Variants in MAP3K13 observed in about 807,000 individuals in gnomAD.
MAP3K13 encodes leucine zipper-bearing kinase.
Under a neutral mutation model 104.0 loss-of-function variants are expected in MAP3K13, and 52 were observed. That is an observed-to-expected ratio of 0.50 (90% CI 0.40 to 0.63). The LOEUF (loss-of-function observed/expected upper bound fraction) is 0.63. Among genes scored for constraint, MAP3K13 ranks in the 20% least tolerant of loss-of-function variants. The pLI, the probability that MAP3K13 is intolerant of heterozygous loss-of-function variation, is 0.00. For synonymous variants in MAP3K13, 394 were observed against 442.2 expected (o/e 0.89, Z 1.37); for missense variants, 914 against 1,218.5 (o/e 0.75, Z 3.72).
rs147193310 is a variant in MAP3K13 at position 185,374,347 on chromosome 3, T to G, written c.-86+10979T>G. Among the ~76,000 whole-genome samples the G allele has an allele frequency of 5.0e-3, 762 of 152,266 alleles. 5 individuals carry two copies. Among genetic ancestry groups the G allele is most frequent in the African/African-American group, 0.017 (707 of 41,558 alleles). On this transcript the variant is annotated intron_variant, in intron 1 of 13. Coordinates refer to ENST00000265026, the MANE Select transcript of MAP3K13 (RefSeq NM_004721.5). ...AGAGATAATGGGCGATGTTTCTCAG[T>G]GCTGCTTCGAGCGGGATTAGGGGCG...
rs1715849829 is a variant in MAP3K13, at chr3:185,450,988, G to A, written c.1170-299G>A. 6.6e-6 allele frequency among the ~76,000 whole-genome samples: 1 copy of A among 152,192 alleles called. No individual in the cohort carries two copies. Among genetic ancestry groups the A allele is most frequent in the East Asian group, 1.9e-4 (1 of 5,196 alleles). ...GCCTGTAGTCCCAGCTACTCAGGAG[G>A]CTGAGGCAGGAGAATGGCGTGAACC... On this transcript the variant is annotated intron_variant, in intron 6 of 13. Transcript: ENST00000265026. The surrounding 1 kb of genome is among the most constrained non-coding windows in gnomAD (Gnocchi z 4.2).
chr3:185,329,387 A>G, intron 2 of MAP3K13: 2 of 557,202 alleles, frequency 3.6e-6, no homozygotes, highest in Admixed American at 2.9e-5. Flanking sequence ...AGTCTCTCAG[A>G]TCATTAAATT....
At chr3:185,425,266 T>C (rs1714348057) in intron 1 of MAP3K13, among the ~76,000 whole-genome samples, 1 of 152,252 alleles carries the variant, frequency 6.6e-6, no homozygotes, top group Non-Finnish European at 1.5e-5. Context: ...AAATTCTGTA[T>C]GTCCATAGTT....
At chr3:185,435,895 A>G (rs1250641592) in intron 2 of MAP3K13, among the ~76,000 whole-genome samples, 1 of 152,170 alleles carries the variant, frequency 6.6e-6, no homozygotes, top group Non-Finnish European at 1.5e-5. Context: ...TCAAGACCAG[A>G]GTATCTTTGA....
rs201598842 is a variant in MAP3K13, at chr3:185,302,177, TG to T, written c.-86+16536del. ...CAGCACTTTGGGAGGCCAAGGCGGG[TG>T]GATTACTTGAGGTCAGGAGTTCGAG... is the stretch of plus-strand genomic sequence containing the variant. On this transcript the variant is annotated intron_variant, in intron 2 of 14. Transcript: ENST00000424227. 8.7e-3 allele frequency among the ~76,000 whole-genome samples: 1,312 copies of T among 151,336 alleles called. 55 individuals are homozygous for T. Among genetic ancestry groups the T allele is most frequent in the East Asian group, 0.069 (354 of 5,146 alleles).
intron 1 of MAP3K13, among the ~76,000 whole-genome samples, chr3:185,413,661 GA>G (rs1713577525): frequency 6.6e-6 from 1 of 151,960 alleles, no homozygotes; most frequent in Non-Finnish European, 1.5e-5. Context: ...ACTTCTACAA[GA>G]AATGCAAAAA....
intron 1 of MAP3K13, among the ~76,000 whole-genome samples, chr3:185,419,066 G>GA (rs1183392862): frequency 2.6e-5 from 4 of 151,306 alleles, no homozygotes; most frequent in Admixed American, 2.6e-4. Flanking sequence ...ACCCAGGCTG[G>GA]AGTGCAGTGG....
At chr3:185,345,123 A>G (rs1464008721) in intron 2 of MAP3K13, among the ~76,000 whole-genome samples, 3 of 152,126 alleles carry the variant, frequency 2.0e-5, no homozygotes, top group Admixed American at 2.0e-4. Flanking sequence ...TGGCCTCCCA[A>G]AATGCTGGGA....
In MAP3K13 at chr3:185,418,251, G is replaced by A. The variant is rs1577533328; in HGVS notation, c.-85-10246G>A. 6.2e-7 allele frequency: 1 copy of A among 1,602,814 alleles called. No individual in the cohort carries two copies. The highest frequency in any genetic ancestry group is 8.5e-7 in the Non-Finnish European group (1 of 1,171,230). ...CATAGACCTTTTCGATATCATTCCA[G>A]GCTTTAAGTTTCTTAAGGAGCAAAA... is the stretch of plus-strand genomic sequence containing the variant. On this transcript the variant is annotated intron_variant, in intron 1 of 13. Transcript: ENST00000265026. This position sits in a 1 kb window ranked among gnomAD's most constrained non-coding sequence, Gnocchi z 4.5.
chr3:185,344,379 T>C (rs1219190366), intron 2 of MAP3K13, among the ~76,000 whole-genome samples: 1 of 152,176 alleles, frequency 6.6e-6, no homozygotes. Context: ...TGATGATCTG[T>C]GACAAAAGAA....
chr3:185,424,141 C>CA (rs1408285985), intron 1 of MAP3K13, among the ~76,000 whole-genome samples: 1 of 152,152 alleles, frequency 6.6e-6, no homozygotes, highest in African/African-American at 2.4e-5. Flanking sequence ...GAGAGAATGT[C>CA]ATGATTAGGG....
chr3:185,447,226 C>T (rs2148895125), intron 4 of MAP3K13, among the ~76,000 whole-genome samples: 1 of 152,226 alleles, frequency 6.6e-6, no homozygotes, highest in East Asian at 1.9e-4. Context: ...TGCAGTGGCT[C>T]ATGCCTGTAA....
chr3:185,455,645 A>ATATATGT (rs1716591190), intron 7 of MAP3K13, among the ~76,000 whole-genome samples: 8 of 24,430 alleles, frequency 3.3e-4, no homozygotes, highest in Middle Eastern at 0.05. Flanking sequence ...GATATATATG[A>ATATATGT]GATATATATA....
rs370793853 is a variant in MAP3K13 at position 185,297,873 on chromosome 3, A to ACT, written c.-86+12247_-86+12248dup. On this transcript the variant is annotated intron_variant, in intron 2 of 14. Transcript: ENST00000424227. Reference sequence around the variant, plus strand: ...CAATACAGTAACCAAAATAAGAGCTACTCTCTCTCTCTCTCTCTGTGTGCA... The same window carrying ACT: ...CAATACAGTAACCAAAATAAGAGCTACTCTCTCTCTCTCTCTCTCTGTGTGCA... Among the ~76,000 whole-genome samples the ACT allele has an allele frequency of 6.0e-3, 891 of 147,310 alleles. 3 individuals are homozygous for ACT. The highest frequency in any genetic ancestry group is 0.02 in the African/African-American group (831 of 40,618).
chr3:185,367,410 G>T (rs1379336099), intron 1 of MAP3K13, among the ~76,000 whole-genome samples: 2 of 152,056 alleles, frequency 1.3e-5, no homozygotes, highest in Admixed American at 1.3e-4. Context: ...TCAGAATCAG[G>T]AAAGAAAATG....
At chr3:185,444,786 T>C (rs1715508381) in intron 4 of MAP3K13, among the ~76,000 whole-genome samples, 1 of 152,120 alleles carries the variant, frequency 6.6e-6, no homozygotes, top group Non-Finnish European at 1.5e-5. Flanking sequence ...AATATATTTG[T>C]AGCCTGGGCA....
intron 2 of MAP3K13, chr3:185,328,714 A>G (rs1722131580): frequency 6.6e-6 from 1 of 152,378 alleles, no homozygotes; most frequent in South Asian, 2.1e-4. Context: ...TCTTCCTTAC[A>G]TTTGTCTCTT....
upstream of MAP3K13, among the ~76,000 whole-genome samples, chr3:185,362,378 C>T (rs963406881): frequency 6.6e-6 from 1 of 152,072 alleles, no homozygotes; most frequent in African/African-American, 2.4e-5. Context: ...CTTACTGAAA[C>T]CAAAATTTGT....
At chr3:185,445,653 C>T (rs779990398) in intron 4 of MAP3K13, among the ~76,000 whole-genome samples, 1 of 152,162 alleles carries the variant, frequency 6.6e-6, no homozygotes, top group Non-Finnish European at 1.5e-5. Flanking sequence ...ACACTCCCAA[C>T]CCCAGCAGCG....
Sources: allele counts gnomAD v4.1 joint callset (sites outside exome capture counted in the v4.1 genomes callset), GRCh38; gene constraint gnomAD v4.1.1; non-coding constraint Gnocchi (gnomAD v3.1); transcripts MANE v1.5; gene names NCBI Gene and HGNC (gene_info 2026-07-23, HGNC 2026-07-21).